The following SCARB2 variants were observed in gnomAD, a reference collection of about 807,000 sequenced individuals.
SCARB2 encodes the protein scavenger receptor class B member 2, also known as lysosome membrane protein 2.
In SCARB2, 29 loss-of-function variants were observed where a neutral mutation model predicts 58.6. The ratio of observed to expected loss-of-function variants is 0.49; its 90% CI spans 0.37 to 0.67. The LOEUF (loss-of-function observed/expected upper bound fraction) is 0.67. SCARB2 is among the 30% of genes least tolerant of loss of function. SCARB2 has a pLI of 0.00. For synonymous variants in SCARB2, 195 were observed against 210.1 expected (o/e 0.93, Z 0.62); for missense variants, 488 against 578.5 (o/e 0.84, Z 1.60).
intron 2 of SCARB2, 95 bp downstream of exon 2, chr4:76,195,612 A>T: frequency 9.6e-7 from 1 of 1,038,406 alleles, no homozygotes; most frequent in Non-Finnish European, 1.5e-6. Flanking sequence ...GCTCCCACAC[A>T]GCCCTGGAGC....
chr4:76,233,586 G>A (rs200687956), intron 1 of SCARB2, among the ~76,000 whole-genome samples: 2 of 150,762 alleles, frequency 1.3e-5, no homozygotes, highest in Admixed American at 6.6e-5. Context: ...ACACACACAC[G>A]CACACACACA....
At chr4:76,201,017 A>C (rs1413249445) in intron 1 of SCARB2, among the ~76,000 whole-genome samples, 1 of 152,180 alleles carries the variant, frequency 6.6e-6, no homozygotes. Context: ...TCAAAGGATA[A>C]AGTCCACAGT....
At chr4:76,162,138 T>C (rs1731912743) in intron 11 of SCARB2, 2 of 240,058 alleles carry the variant, frequency 8.3e-6, no homozygotes, top group Non-Finnish European at 1.7e-5. Flanking sequence ...GTAGGAGCAG[T>C]AATTAACATT....
chr4:76,184,959 C>G (rs746155519), intron 2 of SCARB2, among the ~76,000 whole-genome samples: 4 of 152,174 alleles, frequency 2.6e-5, no homozygotes, highest in Non-Finnish European at 5.9e-5. Flanking sequence ...TGTTAACCTA[C>G]TTTATAGCCT....
At position 76,175,838 on chromosome 4, in the gene SCARB2, T is replaced by C. The variant is rs1435646219; in HGVS notation, c.777A>G (p.Leu259=). 3.7e-6 allele frequency: 6 copies of C among 1,613,932 alleles called. No individual in the cohort carries two copies. Among genetic ancestry groups the C allele is most frequent in the African/African-American group, 2.7e-5 (2 of 74,924 alleles). Residue 259 remains leucine, a synonymous_variant, in exon 6 of 12, where the codon CTA becomes CTG. Transcript: ENST00000264896. ...CATAAAGGACCTCATCTTTGGTTAT[T>C]AGTGGGTGAAAAGAATCTCCATCTG... ...NGTDGDSFHP[L]ITKDEVLYVF...
intron 1 of SCARB2, among the ~76,000 whole-genome samples, chr4:76,211,223 G>A (rs780818597): frequency 6.6e-6 from 1 of 152,204 alleles, no homozygotes; most frequent in East Asian, 1.9e-4. Flanking sequence ...GAGGTACAGG[G>A]CTTCGCAAGG....
chr4:76,168,901 G>A (rs192182320), intron 8 of SCARB2, among the ~76,000 whole-genome samples: 1 of 152,256 alleles, frequency 6.6e-6, no homozygotes, highest in Non-Finnish European at 1.5e-5. Context: ...GTCACTGCCA[G>A]AGAGTGGCAT....
At chr4:76,191,845 A>C (rs1278075977) in intron 2 of SCARB2, 1 of 147,436 alleles carries the variant, frequency 6.8e-6, no homozygotes, top group Non-Finnish European at 1.5e-5. Context: ...TTCTCGGCTC[A>C]CTGCAACCTC....
At position 76,224,867 on chromosome 4, in the gene SCARB2, G is replaced by A. The variant is rs1303496909; in HGVS notation, c.-358+9436C>T. ...CACACATCACCCAAGCAGTAAACAC[G>A]GTATCCAATGTGTAGTCTTTTATCC... On this transcript the variant is annotated intron_variant, in intron 1 of 11. Coordinates refer to the SCARB2 transcript ENST00000638295. 2.6e-5 allele frequency among the ~76,000 whole-genome samples: 4 copies of A among 151,956 alleles called. No homozygotes were observed. In the East Asian group the frequency reaches 5.8e-4, roughly 22 times the overall value.
chr4:76,180,854 A>C, intron 3 of SCARB2, 100 bp downstream of exon 3: 1 of 1,023,792 alleles, frequency 9.8e-7, no homozygotes, highest in Non-Finnish European at 1.4e-6. Flanking sequence ...ATATTTCAAC[A>C]TAACTTAATG....
intron 1 of SCARB2, among the ~76,000 whole-genome samples, chr4:76,225,714 C>T (rs1481531404): frequency 6.6e-6 from 1 of 152,184 alleles, no homozygotes; most frequent in East Asian, 1.9e-4. Flanking sequence ...AGTTAAACCA[C>T]CCCTGTATCC....
chr4:76,224,876 T>G (rs1185993391), intron 1 of SCARB2, among the ~76,000 whole-genome samples: 1 of 152,130 alleles, frequency 6.6e-6, no homozygotes, highest in Non-Finnish European at 1.5e-5. Context: ...CGGTATCCAA[T>G]GTGTAGTCTT....
At chr4:76,180,732 T>TA (rs1732365208) in intron 3 of SCARB2, 1 of 311,330 alleles carries the variant, frequency 3.2e-6, no homozygotes, top group Non-Finnish European at 5.8e-6. Flanking sequence ...AAACAAATCC[T>TA]AAAATCTGAA....
intron 6 of SCARB2, chr4:76,175,147 C>T (rs1578720282): frequency 1.3e-5 from 2 of 152,604 alleles, no homozygotes; most frequent in African/African-American, 4.8e-5. Flanking sequence ...ATTTTAGGCA[C>T]CAGAAAGAGA....
chr4:76,162,810 T>G, intron 11 of SCARB2: 1 of 311,112 alleles, frequency 3.2e-6, no homozygotes, highest in East Asian at 7.2e-5. Flanking sequence ...TATCCCATTT[T>G]ACAGATGAAG....
chr4:76,213,847 A>T (rs573424919), upstream of SCARB2: 2 of 208,350 alleles, frequency 9.6e-6, no homozygotes, highest in African/African-American at 4.7e-5. Flanking sequence ...CAGGGACGTG[A>T]CGTTCGCGGG....
At chr4:76,184,423 T>C (rs1441806827) in intron 2 of SCARB2, among the ~76,000 whole-genome samples, 1 of 152,248 alleles carries the variant, frequency 6.6e-6, no homozygotes, top group Non-Finnish European at 1.5e-5. Context: ...CTTACACAGC[T>C]TGAAGTTCAG....
At chr4:76,203,693 C>CA (rs1219119308) in intron 1 of SCARB2, among the ~76,000 whole-genome samples, 1 of 152,232 alleles carries the variant, frequency 6.6e-6, no homozygotes, top group African/African-American at 2.4e-5. Context: ...GCCAGGCTGA[C>CA]ACCTGACCTG....
intron 5 of SCARB2, 49 bp from the exon 6 acceptor site, chr4:76,175,959 T>TAG: frequency 6.2e-7 from 1 of 1,607,822 alleles, no homozygotes; most frequent in Non-Finnish European, 8.5e-7. Context: ...CATTTGAGTT[T>TAG]AGATTCTCTT....
Sources: allele counts gnomAD v4.1 joint callset (sites outside exome capture counted in the v4.1 genomes callset), GRCh38; gene constraint gnomAD v4.1.1; transcripts MANE v1.5; gene names NCBI Gene and HGNC (gene_info 2026-07-23, HGNC 2026-07-21).